Variants in EXOC6B observed in about 807,000 individuals in gnomAD.
EXOC6B encodes the protein SEC15 homolog B.
EXOC6B carries 54 observed loss-of-function variants against 113.5 expected under a neutral mutation model. That is an observed-to-expected ratio of 0.48 (90% confidence interval 0.38 to 0.60). The LOEUF is 0.60. EXOC6B is among the 20% of genes least tolerant of loss of function. The probability of loss-of-function intolerance (pLI) is 0.00; values close to 1 mark genes in which losing one functional copy is unlikely to be tolerated. For missense variants in EXOC6B, 797 were observed against 977.5 expected, an observed-to-expected ratio of 0.82 and a Z score of 2.46; for synonymous variants, 357 against 339.0, an observed-to-expected ratio of 1.05 and a Z score of -0.58.
At chr2:72,358,090 T>C (rs936472947) in intron 19 of EXOC6B, among the ~76,000 whole-genome samples, 22 of 152,102 alleles carry the variant, frequency 1.4e-4, no homozygotes, top group Non-Finnish European at 2.5e-4. Flanking sequence ...ACTGTGTAAG[T>C]CCCCTGGTAA....
chr2:72,798,977 G>A (rs191707494), intron 1 of EXOC6B, among the ~76,000 whole-genome samples: 8 of 152,140 alleles, frequency 5.3e-5, no homozygotes, highest in Middle Eastern at 3.4e-3. Flanking sequence ...GGTGGCTCAC[G>A]CCTGTAATCC....
intron 20 of EXOC6B, among the ~76,000 whole-genome samples, chr2:72,276,038 G>A (rs913735409): frequency 6.6e-6 from 1 of 152,150 alleles, no homozygotes; most frequent in Non-Finnish European, 1.5e-5. Flanking sequence ...GGGGGATGGA[G>A]AAGGAAGAGA....
intron 19 of EXOC6B, among the ~76,000 whole-genome samples, chr2:72,362,408 T>C (rs945570319): frequency 2.6e-5 from 4 of 152,028 alleles, no homozygotes; most frequent in African/African-American, 4.8e-5. Context: ...TTGTAGACCA[T>C]AAATCAGTAG....
At chr2:72,377,818 G>A (rs1003208786) in intron 19 of EXOC6B, among the ~76,000 whole-genome samples, 1 of 152,040 alleles carries the variant, frequency 6.6e-6, no homozygotes, top group African/African-American at 2.4e-5. Flanking sequence ...CTGAAATCTT[G>A]AAAATTGCTA....
At chr2:72,691,368 G>C (rs1316617164) in intron 6 of EXOC6B, among the ~76,000 whole-genome samples, 1 of 152,008 alleles carries the variant, frequency 6.6e-6, no homozygotes, top group Non-Finnish European at 1.5e-5. Context: ...AAGTCACCTA[G>C]TTTGTAGTAC....
chr2:72,348,731 T>C (rs184410825), intron 19 of EXOC6B, among the ~76,000 whole-genome samples: 2 of 152,276 alleles, frequency 1.3e-5, no homozygotes, highest in East Asian at 3.9e-4. Flanking sequence ...ACTTGTTTTA[T>C]AAGTGTACAA....
At chr2:72,551,705 T>TAAC (rs1703239019) in intron 8 of EXOC6B, among the ~76,000 whole-genome samples, 3 of 142,492 alleles carry the variant, frequency 2.1e-5, no homozygotes, top group African/African-American at 7.9e-5. Flanking sequence ...AGATGGGGTT[T>TAAC]CACCATGGTC....
rs181004014 is a variant in EXOC6B, at chr2:72,407,134, C to T, written c.1981-27264G>A. ...ATCTAGAAGAAATGGATAAATTCCT[C>T]GACACATACACACTCCCAAGACTAA... is the stretch of plus-strand genomic sequence containing the variant. On this transcript the variant is annotated intron_variant, in intron 18 of 21. Coordinates refer to ENST00000272427, the MANE Select transcript of EXOC6B (RefSeq NM_015189.3). 2.5e-3 allele frequency among the ~76,000 whole-genome samples: 373 copies of T among 152,220 alleles called. 3 individuals carry two copies. Among genetic ancestry groups the T allele is most frequent in the African/African-American group, 7.7e-3 (320 of 41,544 alleles).
chr2:72,659,581 T>C (rs1674855660), intron 6 of EXOC6B, among the ~76,000 whole-genome samples: 1 of 152,168 alleles, frequency 6.6e-6, no homozygotes, highest in South Asian at 2.1e-4. Context: ...TGTTGTTTGT[T>C]TTGATTGGGG....
intron 19 of EXOC6B, among the ~76,000 whole-genome samples, chr2:72,341,932 T>C (rs1689054150): frequency 6.6e-6 from 1 of 151,820 alleles, no homozygotes; most frequent in African/African-American, 2.4e-5. Flanking sequence ...CAGAAATCAA[T>C]AACAAGAAGT....
intron 18 of EXOC6B, among the ~76,000 whole-genome samples, chr2:72,448,633 A>G (rs1221220084): frequency 6.6e-6 from 1 of 152,200 alleles, no homozygotes; most frequent in Non-Finnish European, 1.5e-5. Flanking sequence ...GTTATTTTAT[A>G]TGAAAGTAGA....
At chr2:72,815,074 C>T (rs946997307) in intron 1 of EXOC6B, among the ~76,000 whole-genome samples, 15 of 152,192 alleles carry the variant, frequency 9.9e-5, no homozygotes, top group African/African-American at 3.1e-4. Context: ...TTGAAACTTT[C>T]GTTTCTTAAA....
intron 18 of EXOC6B, among the ~76,000 whole-genome samples, chr2:72,438,615 C>T (rs1696020068): frequency 6.6e-6 from 1 of 152,212 alleles, no homozygotes; most frequent in East Asian, 1.9e-4. Context: ...AGTGAGAACA[C>T]TATCTCTCGA....
intron 8 of EXOC6B, among the ~76,000 whole-genome samples, chr2:72,540,064 C>T (rs990511286): frequency 2.7e-5 from 4 of 149,460 alleles, no homozygotes; most frequent in Non-Finnish European, 3.0e-5. Flanking sequence ...TTTGTTCTTG[C>T]GATAGTTTAC....
Position 72,463,082 on chromosome 2 carries a change from A to C in EXOC6B, c.1980+2078T>G, listed in dbSNP as rs1697802896. 3.9e-5 allele frequency: 6 copies of C among 152,168 alleles called. No homozygotes were observed. The South Asian group carries it at 1.2e-3, about 32-fold the overall frequency. The allele number at this position is 152,168 out of a possible 1,614,324, so 9.4% of individuals were successfully genotyped here. A position where few individuals can be genotyped will look rare whatever the true frequency, so the allele number is the denominator to read the frequency against. ...CTCACCTAGTAATATGATAAATTAT[A>C]TTAACATATTTTTTTAAAATATCAA... On this transcript the variant is annotated intron_variant, in intron 18 of 21. Coordinates refer to ENST00000272427, the MANE Select transcript of EXOC6B (RefSeq NM_015189.3).
At chr2:72,608,138 T>A (rs1396829342) in intron 6 of EXOC6B, among the ~76,000 whole-genome samples, 1 of 152,102 alleles carries the variant, frequency 6.6e-6, no homozygotes, top group Non-Finnish European at 1.5e-5. Context: ...AACAATTCCT[T>A]CCCTGAACTC....
At chr2:72,321,164 T>C (rs1324744276) in intron 20 of EXOC6B, among the ~76,000 whole-genome samples, 1 of 152,206 alleles carries the variant, frequency 6.6e-6, no homozygotes, top group East Asian at 1.9e-4. Context: ...GGAAAGCAGT[T>C]TGATAGTTTC....
At chr2:72,820,580 G>A (rs2105170972) in intron 1 of EXOC6B, among the ~76,000 whole-genome samples, 1 of 152,090 alleles carries the variant, frequency 6.6e-6, no homozygotes, top group Admixed American at 6.5e-5. Flanking sequence ...AACTTCCCTG[G>A]GTGAGAATAC....
chr2:72,584,798 A>T (rs966435272), intron 6 of EXOC6B, among the ~76,000 whole-genome samples: 2 of 152,208 alleles, frequency 1.3e-5, no homozygotes, highest in African/African-American at 4.8e-5. Flanking sequence ...AATTGAAATC[A>T]TACCAACCAC....
Sources: gnomAD v4.1 joint callset for allele counts (sites outside exome capture counted in the v4.1 genomes callset) on GRCh38, gnomAD v4.1.1 for gene constraint, MANE v1.5 for transcripts, NCBI Gene and HGNC (gene_info 2026-07-23, HGNC 2026-07-21) for gene names.